Variants in CABP1 observed in about 807,000 individuals in gnomAD.
CABP1 encodes calcium binding protein 1.
A neutral mutation model predicts 34.3 loss-of-function variants in CABP1; 17 were observed. The ratio of observed to expected loss-of-function variants is 0.50; its 90% confidence interval spans 0.34 to 0.74. The LOEUF is 0.74. Among genes scored for constraint, CABP1 ranks in the 30% least tolerant of loss-of-function variants. The pLI is 0.01. For synonymous variants in CABP1, 198 were observed against 229.2 expected (o/e 0.86, Z 1.23); for missense variants, 373 against 511.1 (o/e 0.73, Z 2.61).
chr12:120,656,328 G>A, intron 1 of CABP1: 2 of 1,456,096 alleles, frequency 1.4e-6, no homozygotes, highest in Non-Finnish European at 1.8e-6. Context: ...GGCGTGAGGA[G>A]GTGCTGGGAT....
At chr12:120,652,368 T>TC (rs1198138723) in intron 1 of CABP1, among the ~76,000 whole-genome samples, 1 of 152,184 alleles carries the variant, frequency 6.6e-6, no homozygotes, top group African/African-American at 2.4e-5. Context: ...AATTGCTTTT[T>TC]TTTTTTTCTA....
Position 120,641,508 on chromosome 12 carries a change from G to C in CABP1, c.654+169G>C. On this transcript the variant is annotated intron_variant, in intron 1 of 5. Coordinates refer to ENST00000316803, the MANE Select transcript of CABP1 (RefSeq NM_001033677.2). The surrounding 1 kb of genome is among the most constrained non-coding windows in gnomAD (Gnocchi z 6.7). ...GCCCTTGCCGGCACTCCTCCTCCCC[G>C]TGCCTGATTCAGCACCCCGTGCGCT... 1 of 670,320 alleles carries C rather than the reference G, an allele frequency of 1.5e-6. No individual in the cohort carries two copies. Among genetic ancestry groups the C allele is most frequent in the East Asian group, 3.5e-5 (1 of 28,854 alleles). 41.5% of individuals were successfully genotyped at this position (670,320 alleles called of 1,614,324 possible). A position where few individuals can be genotyped will look rare whatever the true frequency, so the allele number is the denominator to read the frequency against.
the CABP1 span, among the ~76,000 whole-genome samples, chr12:120,678,746 C>T: frequency 2.0e-5 from 3 of 152,128 alleles, no homozygotes; most frequent in South Asian, 2.1e-4. Context: ...CACTTAGCTA[C>T]GTGCTCAATG....
chr12:120,656,134 G>A (rs752264259), intron 1 of CABP1: 19 of 1,614,092 alleles, frequency 1.2e-5, no homozygotes, highest in Non-Finnish European at 1.4e-5. Flanking sequence ...TGGTGCAGAC[G>A]AGCGAGGAGG....
chr12:120,650,815 C>G, intron 1 of CABP1: 1 of 885,782 alleles, frequency 1.1e-6, no homozygotes, highest in Non-Finnish European at 1.8e-6. Context: ...GGCTGCCTCC[C>G]TGCTTCTACC....
At chr12:120,664,880 G>GT (rs566470634) in intron 5 of CABP1, among the ~76,000 whole-genome samples, 10 of 120,566 alleles carry the variant, frequency 8.3e-5, no homozygotes, top group Admixed American at 7.4e-4. Context: ...GTCTCAAAAA[G>GT]AAAAAAAAAA....
At chr12:120,644,817 T>C (rs993893465) in intron 1 of CABP1, among the ~76,000 whole-genome samples, 1 of 152,144 alleles carries the variant, frequency 6.6e-6, no homozygotes, top group Admixed American at 6.5e-5. Context: ...TTTGTTTGTT[T>C]ATTTTGAGAC....
At position 120,666,991 on chromosome 12, in the gene CABP1, C is replaced by G; in HGVS notation, c.*91C>G. ...CCTCACCCGCTGTAGCCGCCGAGAG[C>G]CCAGGATGTACTGGCGGATGGGGCC... is the stretch of plus-strand genomic sequence containing the variant. On this transcript the variant is annotated 3_prime_UTR_variant, in exon 6 of 6. Transcript: ENST00000316803. 6.7e-7 allele frequency: 1 copy of G among 1,483,160 alleles called. No homozygotes were observed. The highest frequency in any genetic ancestry group is 1.2e-5 in the South Asian group (1 of 83,146). The allele number at this position is 1,483,160 out of a possible 1,614,324, so 91.9% of individuals were successfully genotyped here.
At chr12:120,648,081 A>G (rs526007) in intron 1 of CABP1, among the ~76,000 whole-genome samples, 48,238 of 152,050 alleles carry the variant, frequency 0.32, 8,532 homozygotes, top group East Asian at 0.42. Context: ...TGGCCTTTAC[A>G]TATATCCACC....
intron 1 of CABP1, among the ~76,000 whole-genome samples, chr12:120,657,291 T>C (rs1565999000): frequency 6.6e-6 from 1 of 152,244 alleles, no homozygotes. Flanking sequence ...GAGGATGTTA[T>C]AGAGGTAAAC....
At chr12:120,646,783 G>A (rs1001847436) in intron 1 of CABP1, among the ~76,000 whole-genome samples, 11 of 152,178 alleles carry the variant, frequency 7.2e-5, no homozygotes, top group African/African-American at 2.4e-4. Context: ...GAAGTGCTGG[G>A]ATTACAGGCA....
In CABP1 at chr12:120,648,499, C is replaced by T. The variant is rs1879653122; in HGVS notation, c.654+7160C>T. ...AGCTATTCGGTGTCTTACACTTTCT[C>T]ATGTATGCTATATAAGCAAGCTAGG... On this transcript the variant is annotated intron_variant, in intron 1 of 5. Transcript: ENST00000316803. Among the ~76,000 whole-genome samples, 4 of 152,152 alleles carry T rather than the reference C, an allele frequency of 2.6e-5. No homozygotes were observed. In the South Asian group the frequency reaches 8.3e-4, roughly 32 times the overall value.
intron 1 of CABP1, among the ~76,000 whole-genome samples, chr12:120,643,368 A>C (rs570631201): frequency 4.8e-4 from 73 of 152,346 alleles, no homozygotes; most frequent in Non-Finnish European, 7.8e-4. Context: ...CCTGTGACAG[A>C]GAGGAATTAA....
intron 5 of CABP1, among the ~76,000 whole-genome samples, chr12:120,664,328 G>A (rs1446747345): frequency 6.6e-6 from 1 of 152,194 alleles, no homozygotes; most frequent in Non-Finnish European, 1.5e-5. Context: ...AGGGATTAGG[G>A]AAGACTTCCT....
At chr12:120,645,598 G>A (rs1051356886) in intron 1 of CABP1, among the ~76,000 whole-genome samples, 1 of 152,210 alleles carries the variant, frequency 6.6e-6, no homozygotes, top group African/African-American at 2.4e-5. Flanking sequence ...GGGAAGCCAA[G>A]GTGGGTGGAT....
chr12:120,671,784 A>T (rs1387247868), downstream of CABP1, among the ~76,000 whole-genome samples: 1 of 152,234 alleles, frequency 6.6e-6, no homozygotes, highest in Non-Finnish European at 1.5e-5. Context: ...GCAGAGAGCT[A>T]GGCTGGGTGC....
chr12:120,677,552 A>G, the CABP1 span, among the ~76,000 whole-genome samples: 1 of 151,706 alleles, frequency 6.6e-6, no homozygotes, highest in East Asian at 1.9e-4. Context: ...ATGCGCCACA[A>G]TGCTCAGCTA....
chr12:120,663,611 A>G (rs913803131), intron 5 of CABP1, among the ~76,000 whole-genome samples: 2 of 152,244 alleles, frequency 1.3e-5, no homozygotes, highest in Non-Finnish European at 2.9e-5. Flanking sequence ...AATAGTAATC[A>G]TAATAGTTAT....
At chr12:120,664,927 A>C (rs1880873921) in intron 5 of CABP1, among the ~76,000 whole-genome samples, 1 of 151,966 alleles carries the variant, frequency 6.6e-6, no homozygotes, top group Non-Finnish European at 1.5e-5. Flanking sequence ...AGTCATGAAA[A>C]GACATGGTGA....
Sources: gnomAD v4.1 joint callset for allele counts (sites outside exome capture counted in the v4.1 genomes callset) on GRCh38, gnomAD v4.1.1 for gene constraint, Gnocchi (gnomAD v3.1) non-coding constraint, MANE v1.5 for transcripts, NCBI Gene and HGNC (gene_info 2026-07-23, HGNC 2026-07-21) for gene names.